PICALM: variants seen among roughly 807,000 people sequenced by gnomAD.
PICALM encodes phosphatidylinositol-binding clathrin assembly protein.
Under a neutral mutation model 80.5 loss-of-function variants are expected in PICALM, and 40 were observed. The observed-to-expected ratio is 0.50, with a 90% confidence interval of 0.39 to 0.65. The LOEUF is 0.65. PICALM is among the 30% of genes least tolerant of loss of function. PICALM has a pLI of 0.00. For missense variants in PICALM, 676 were observed against 778.9 expected (o/e 0.87, Z 1.57); for synonymous variants, 288 against 260.3 (o/e 1.11, Z -1.02).
chr11:85,964,134 T>C (rs1251548105), intron 19 of PICALM, among the ~76,000 whole-genome samples: 1 of 152,022 alleles, frequency 6.6e-6, no homozygotes, highest in Non-Finnish European at 1.5e-5. Flanking sequence ...CAAGAAAACA[T>C]CAACAATCTC....
chr11:86,009,822 C>T (rs758612375), intron 7 of PICALM, among the ~76,000 whole-genome samples: 28 of 152,330 alleles, frequency 1.8e-4, no homozygotes, highest in Non-Finnish European at 3.8e-4. Flanking sequence ...ACAGCATAAA[C>T]ACCACCTTCT....
At chr11:85,960,566 G>A in intron 19 of PICALM, 1 of 437,960 alleles carries the variant, frequency 2.3e-6, no homozygotes. Flanking sequence ...AGGAGGAGAG[G>A]GAGCCTAGAG....
At chr11:85,993,742 A>C (rs948070205) in intron 12 of PICALM, among the ~76,000 whole-genome samples, 1 of 152,124 alleles carries the variant, frequency 6.6e-6, no homozygotes. Flanking sequence ...CACCTGGCGC[A>C]AAAGTTTAAT....
At chr11:86,011,285 A>G (rs2095389838) in intron 6 of PICALM, 149 bp from the exon 7 acceptor site, 2 of 547,038 alleles carry the variant, frequency 3.7e-6, no homozygotes, top group Admixed American at 3.7e-5. Flanking sequence ...TAGCTTAGGT[A>G]TTTAAAGCAA....
chr11:86,045,124 G>A (rs2096048935), intron 1 of PICALM, among the ~76,000 whole-genome samples: 1 of 152,082 alleles, frequency 6.6e-6, no homozygotes, highest in Admixed American at 6.5e-5. Flanking sequence ...TGGAAAATAT[G>A]AGCAATTTTA....
chr11:86,039,399 G>A (rs540792070), intron 1 of PICALM, among the ~76,000 whole-genome samples: 1 of 151,744 alleles, frequency 6.6e-6, no homozygotes, highest in Admixed American at 6.6e-5. Flanking sequence ...GACACTCTGT[G>A]TCTAAAAAAA....
At chr11:85,968,902 TAAAC>T (rs1422939493) in intron 19 of PICALM, among the ~76,000 whole-genome samples, 4 of 150,704 alleles carry the variant, frequency 2.7e-5, no homozygotes, top group African/African-American at 9.8e-5. Flanking sequence ...TATCTGTTGT[TAAAC>T]AATTCCATGA....
intron 1 of PICALM, among the ~76,000 whole-genome samples, chr11:86,047,639 G>A (rs916124497): frequency 2.0e-5 from 3 of 152,220 alleles, no homozygotes; most frequent in Admixed American, 6.5e-5. Context: ...AGTAATAGCA[G>A]AAGGGGTAAA....
At chr11:86,049,405 G>A (rs2096137995) in intron 1 of PICALM, among the ~76,000 whole-genome samples, 2 of 152,108 alleles carry the variant, frequency 1.3e-5, no homozygotes, top group African/African-American at 4.8e-5. Flanking sequence ...CAAATTCATT[G>A]CAGAGCAACC....
intron 11 of PICALM, among the ~76,000 whole-genome samples, chr11:85,997,479 T>C (rs1246825710): frequency 6.6e-6 from 1 of 152,206 alleles, no homozygotes; most frequent in Non-Finnish European, 1.5e-5. Context: ...ATTTCTTTCT[T>C]CTTTTTTTTG....
chr11:85,959,080 A>T lies in PICALM; in HGVS notation c.1945-20T>A. ...CTGTATCTGGAAAAAAAAAGTGGGT[A>T]TGTTAATTCATTGTATTGTAGGATG... On this transcript the variant is annotated intron_variant, in intron 19 of 19. Coordinates refer to ENST00000393346, the MANE Select transcript of PICALM (RefSeq NM_007166.4). 3 of 1,535,682 alleles carry T rather than the reference A, an allele frequency of 2.0e-6. No homozygotes were observed. Among genetic ancestry groups the T allele is most frequent in the Non-Finnish European group, 2.7e-6 (3 of 1,115,408 alleles).
At chr11:86,027,006 C>T (rs2095658676) in intron 2 of PICALM, among the ~76,000 whole-genome samples, 1 of 152,186 alleles carries the variant, frequency 6.6e-6, no homozygotes, top group South Asian at 2.1e-4. Flanking sequence ...TTGAAATTTA[C>T]ACAAGTATCA....
Position 86,068,953 on chromosome 11 carries a change from C to G in PICALM, c.-173G>C, listed in dbSNP as rs890046682. ...GCGCTGCCACCAGTCCAGAGAGAAC[C>G]GGCTCGTGTCACCCGCGGAGTCGGA... On this transcript the variant is annotated 5_prime_UTR_variant, in exon 1 of 20. Transcript: ENST00000393346. The G allele has an allele frequency of 5.1e-6, 4 of 783,762 alleles. No individual in the cohort carries two copies. Among genetic ancestry groups the G allele is most frequent in the Non-Finnish European group, 5.8e-6 (3 of 514,968 alleles). The allele number at this position is 783,762 out of a possible 1,614,324, so 48.6% of individuals were successfully genotyped here. A position where few individuals can be genotyped will look rare whatever the true frequency, so the allele number is the denominator to read the frequency against.
upstream of PICALM, chr11:86,069,143 C>T (rs1041329039): frequency 1.7e-4 from 42 of 241,520 alleles, no homozygotes; most frequent in African/African-American, 9.4e-4. Flanking sequence ...ACTCGGACAC[C>T]GCCCCTCCTC....
intron 17 of PICALM, 28 bp downstream of exon 17, chr11:85,981,101 T>TA (rs1242420560): frequency 2.0e-6 from 2 of 1,010,160 alleles, no homozygotes; most frequent in South Asian, 1.3e-5. Context: ...ATTCAACTGT[T>TA]AGTCTATCAG....
chr11:85,977,704 CAAG>C (rs1326125273), intron 17 of PICALM, among the ~76,000 whole-genome samples: 3 of 152,104 alleles, frequency 2.0e-5, no homozygotes, highest in African/African-American at 7.2e-5. Context: ...GACAAACTGC[CAAG>C]AAGAGCAGAA....
At chr11:86,000,501 C>CT (rs2095109825) in intron 11 of PICALM, 142 bp downstream of exon 11, 1 of 586,136 alleles carries the variant, frequency 1.7e-6, no homozygotes, top group South Asian at 2.6e-5. Context: ...GGTATTATAC[C>CT]AATATCACCA....
intron 14 of PICALM, among the ~76,000 whole-genome samples, chr11:85,983,471 A>G (rs1379455460): frequency 6.6e-6 from 1 of 152,196 alleles, no homozygotes; most frequent in African/African-American, 2.4e-5. Flanking sequence ...ACCACAAGTT[A>G]TATTATTCTA....
Position 86,068,947 on chromosome 11 carries a change from G to A in PICALM, c.-167C>T. 1 of 851,798 alleles carries A rather than the reference G, an allele frequency of 1.2e-6. No homozygotes were observed. The highest frequency in any genetic ancestry group is 1.7e-6 in the Non-Finnish European group (1 of 573,332). The allele number at this position is 851,798 out of a possible 1,614,324, so 52.8% of individuals were successfully genotyped here. A position where few individuals can be genotyped will look rare whatever the true frequency, so the allele number is the denominator to read the frequency against. ...GGCCGCGCGCTGCCACCAGTCCAGA[G>A]AGAACCGGCTCGTGTCACCCGCGGA... is the stretch of plus-strand genomic sequence containing the variant. On this transcript the variant is annotated 5_prime_UTR_variant, in exon 1 of 20. Coordinates refer to ENST00000393346, the MANE Select transcript of PICALM (RefSeq NM_007166.4).
Sources: allele counts gnomAD v4.1 joint callset (sites outside exome capture counted in the v4.1 genomes callset), GRCh38; gene constraint gnomAD v4.1.1; transcripts MANE v1.5; gene names NCBI Gene and HGNC (gene_info 2026-07-23, HGNC 2026-07-21).